ZNF804B: variants seen among roughly 807,000 people sequenced by gnomAD.
ZNF804B encodes zinc finger protein 804B.
A neutral mutation model predicts 101.4 loss-of-function variants in ZNF804B; 80 were observed. That is an observed-to-expected ratio of 0.79 (90% CI 0.66 to 0.95). ZNF804B has a LOEUF of 0.95. ZNF804B is among the 40% of genes least tolerant of loss of function. The pLI, the probability that ZNF804B is intolerant of heterozygous loss-of-function variation, is 0.00. For synonymous variants in ZNF804B, 622 were observed against 558.8 expected (o/e 1.11, Z -1.59); for missense variants, 1,673 against 1,561.9 (o/e 1.07, Z -1.20).
At chr7:89,223,296 T>C (rs1393206959) in intron 2 of ZNF804B, among the ~76,000 whole-genome samples, 4 of 151,922 alleles carry the variant, frequency 2.6e-5, no homozygotes, top group Admixed American at 2.6e-4. Flanking sequence ...TACTCATCAA[T>C]AGAACATCTT....
intron 1 of ZNF804B, among the ~76,000 whole-genome samples, chr7:88,894,287 T>A (rs1450090685): frequency 1.3e-5 from 2 of 151,818 alleles, no homozygotes; most frequent in African/African-American, 4.8e-5. Context: ...AATCTCAGCT[T>A]ATTGCAACCT....
At chr7:88,927,826 C>T (rs1392452531) in intron 1 of ZNF804B, among the ~76,000 whole-genome samples, 1 of 152,074 alleles carries the variant, frequency 6.6e-6, no homozygotes, top group African/African-American at 2.4e-5. Context: ...AAACTGTATT[C>T]CTACCTTGTC....
chr7:89,154,912 T>C (rs1438549423), intron 1 of ZNF804B, among the ~76,000 whole-genome samples: 1 of 152,108 alleles, frequency 6.6e-6, no homozygotes, highest in African/African-American at 2.4e-5. Flanking sequence ...CAGGATTTTT[T>C]GTAACACAAA....
rs759235791 is a variant in ZNF804B, at chr7:88,759,944, G to T, written c.-33G>T. 6.3e-7 allele frequency: 1 copy of T among 1,587,880 alleles called. No individual in the cohort carries two copies. The highest frequency in any genetic ancestry group is 1.7e-5 in the Admixed American group (1 of 59,936). On this transcript the variant is annotated 5_prime_UTR_variant, in exon 1 of 4. Transcript: ENST00000333190. Reference sequence around the variant, plus strand: ...TTTCCACGGCTGGTCGCCTGGTGAGGAGTTGAGACTCTGCGCCTCCGCCCG... The same window carrying T: ...TTTCCACGGCTGGTCGCCTGGTGAGTAGTTGAGACTCTGCGCCTCCGCCCG...
At chr7:88,893,371 A>T (rs1205645785) in intron 1 of ZNF804B, among the ~76,000 whole-genome samples, 2 of 152,106 alleles carry the variant, frequency 1.3e-5, no homozygotes, top group Non-Finnish European at 2.9e-5. Flanking sequence ...TTAAAATTTT[A>T]TTATTGAAAT....
chr7:88,947,412 G>T (rs916151510), intron 1 of ZNF804B, among the ~76,000 whole-genome samples: 1 of 151,780 alleles, frequency 6.6e-6, no homozygotes, highest in African/African-American at 2.4e-5. Context: ...GACTAACACA[G>T]GAACAGAAAA....
chr7:89,146,671 T>A (rs771191636), intron 1 of ZNF804B, among the ~76,000 whole-genome samples: 18 of 151,986 alleles, frequency 1.2e-4, no homozygotes, highest in Non-Finnish European at 2.4e-4. Context: ...CTGTATTCTG[T>A]GGCTCAGTCG....
At chr7:89,015,826 A>T (rs1788543790) in intron 1 of ZNF804B, among the ~76,000 whole-genome samples, 1 of 152,138 alleles carries the variant, frequency 6.6e-6, no homozygotes, top group African/African-American at 2.4e-5. Context: ...TAGCAGCATG[A>T]TTTATAGTCC....
intron 1 of ZNF804B, among the ~76,000 whole-genome samples, chr7:88,961,284 A>C (rs1366772717): frequency 6.6e-6 from 1 of 151,336 alleles, no homozygotes; most frequent in Admixed American, 6.6e-5. Context: ...TTAGTGTCTT[A>C]TTATTTTAAA....
At chr7:89,009,543 T>C (rs1788421827) in intron 1 of ZNF804B, among the ~76,000 whole-genome samples, 2 of 152,174 alleles carry the variant, frequency 1.3e-5, no homozygotes, top group Admixed American at 1.3e-4. Flanking sequence ...AAGTTCAAAT[T>C]TGAAATCTTA....
chr7:89,144,375 T>A (rs1790759715), intron 1 of ZNF804B, among the ~76,000 whole-genome samples: 1 of 152,046 alleles, frequency 6.6e-6, no homozygotes. Context: ...TGGAATTTGA[T>A]CTTATTCTGC....
At chr7:88,975,420 C>T (rs1279098364) in intron 1 of ZNF804B, among the ~76,000 whole-genome samples, 1 of 150,940 alleles carries the variant, frequency 6.6e-6, no homozygotes, top group Non-Finnish European at 1.5e-5. Context: ...TTCCCTTTTT[C>T]GCACATCCTC....
At chr7:88,786,358 A>G (rs1790302975) in intron 1 of ZNF804B, among the ~76,000 whole-genome samples, 1 of 152,156 alleles carries the variant, frequency 6.6e-6, no homozygotes. Flanking sequence ...ATGGGCAATC[A>G]ATAAATAATT....
In ZNF804B at chr7:89,333,736, C is replaced by A. The variant is rs1204934344; in HGVS notation, c.754C>A (p.Pro252Thr). Residue 252 changes from proline (P) to threonine (T), a missense_variant, in exon 4 of 4, where the codon CCC becomes ACC. Physicochemically the swap from Pro to Thr is conservative, Grantham distance 38 (BLOSUM62 -1). Coordinates refer to ENST00000333190, the MANE Select transcript of ZNF804B (RefSeq NM_181646.5). ...AGAAACCCATGATTGTAACAAGTCA[C>A]CCATTTATAAAACAAAACAAACTGC... is the stretch of plus-strand genomic sequence containing the variant. The part of the protein sequence containing the change: ...TEETHDCNKS[P>T]IYKTKQTADK... 1.9e-6 allele frequency: 3 copies of A among 1,613,518 alleles called. No homozygotes were observed. The highest frequency in any genetic ancestry group is 2.2e-5 in the South Asian group (2 of 91,062).
chr7:89,220,378 A>T (rs1788986028), intron 2 of ZNF804B, among the ~76,000 whole-genome samples: 2 of 151,730 alleles, frequency 1.3e-5, no homozygotes, highest in Admixed American at 1.3e-4. Context: ...AGATTCACAG[A>T]ATCTTCCTCA....
At chr7:89,076,980 C>T (rs750828454) in intron 1 of ZNF804B, among the ~76,000 whole-genome samples, 14 of 151,926 alleles carry the variant, frequency 9.2e-5, no homozygotes, top group East Asian at 1.9e-4. Context: ...GTGAGAATGG[C>T]GCTGTCTAAT....
intron 1 of ZNF804B, among the ~76,000 whole-genome samples, chr7:89,106,044 T>G (rs1790131283): frequency 6.6e-6 from 1 of 152,186 alleles, no homozygotes; most frequent in African/African-American, 2.4e-5. Context: ...GACACCCATG[T>G]GTTCAGCTCT....
At chr7:89,046,141 C>T (rs1789101560) in intron 1 of ZNF804B, among the ~76,000 whole-genome samples, 1 of 151,786 alleles carries the variant, frequency 6.6e-6, no homozygotes, top group Admixed American at 6.6e-5. Flanking sequence ...TGGCACTTCT[C>T]CTTCCTGCCA....
At chr7:89,220,057 A>ATATGTGTGCATACATATG (rs1788973571) in intron 2 of ZNF804B, among the ~76,000 whole-genome samples, 1 of 132,488 alleles carries the variant, frequency 7.5e-6, no homozygotes, top group African/African-American at 3.0e-5. Context: ...ATATATACAT[A>ATATGTGTGCATACATATG]TATACGCACA....
Sources: allele counts gnomAD v4.1 joint callset (sites outside exome capture counted in the v4.1 genomes callset), GRCh38; gene constraint gnomAD v4.1.1; transcripts MANE v1.5; gene names NCBI Gene and HGNC (gene_info 2026-07-23, HGNC 2026-07-21).